The following LPP variants were observed in gnomAD, a reference collection of about 807,000 sequenced individuals.
The protein encoded by LPP is lipoma-preferred partner.
Under a neutral mutation model 60.4 loss-of-function variants are expected in LPP, and 38 were observed. The ratio of observed to expected loss-of-function variants is 0.63; its 90% CI spans 0.49 to 0.83. The LOEUF (loss-of-function observed/expected upper bound fraction) is 0.83. Ranked by LOEUF, LPP falls within the 40% of genes least tolerant of loss-of-function variation. The probability of loss-of-function intolerance (pLI) is 0.00; values close to 1 mark genes in which losing one functional copy is unlikely to be tolerated. For missense variants in LPP, 902 were observed against 783.6 expected (o/e 1.15, Z -1.80); for synonymous variants, 328 against 290.8 (o/e 1.13, Z -1.30).
At chr3:188,232,122 T>C (rs1189708456) in intron 2 of LPP, among the ~76,000 whole-genome samples, 2 of 152,200 alleles carry the variant, frequency 1.3e-5, no homozygotes, top group Non-Finnish European at 2.9e-5. Flanking sequence ...AGCTCCGCAG[T>C]TTATTTTATA....
At chr3:188,532,415 ACT>A (rs1271375772) in intron 6 of LPP, among the ~76,000 whole-genome samples, 28 of 140,892 alleles carry the variant, frequency 2.0e-4, no homozygotes, top group African/African-American at 7.2e-4. Flanking sequence ...ACAGAGCAAA[ACT>A]CTGTCTCAAT....
chr3:188,433,881 A>G, intron 4 of LPP, among the ~76,000 whole-genome samples: 1 of 151,620 alleles, frequency 6.6e-6, no homozygotes, highest in African/African-American at 2.4e-5. Context: ...TATTTCAGAA[A>G]GAGAGAAAGA....
intron 3 of LPP, among the ~76,000 whole-genome samples, chr3:188,397,039 C>G (rs535020078): frequency 6.6e-6 from 1 of 152,208 alleles, no homozygotes; most frequent in Non-Finnish European, 1.5e-5. Flanking sequence ...GGCCATTTAT[C>G]TTCTGTGCTA....
intron 7 of LPP, among the ~76,000 whole-genome samples, chr3:188,669,955 G>A (rs987390684): frequency 6.6e-5 from 10 of 152,140 alleles, no homozygotes; most frequent in South Asian, 2.1e-4. Context: ...CCTTTGTAGC[G>A]ACATGGATGA....
intron 9 of LPP, among the ~76,000 whole-genome samples, chr3:188,781,367 T>C (rs1377238225): frequency 1.3e-5 from 2 of 152,192 alleles, no homozygotes; most frequent in African/African-American, 2.4e-5. Context: ...AAATGACTTA[T>C]AGTGGTCTTT....
chr3:188,254,022 T>A (rs1375251410), intron 2 of LPP, among the ~76,000 whole-genome samples: 1 of 152,154 alleles, frequency 6.6e-6, no homozygotes, highest in Non-Finnish European at 1.5e-5. Flanking sequence ...CCTGAGTCAG[T>A]GACTGTGTCT....
rs1352565410 is a variant in LPP at position 188,885,241 on chromosome 3, T to G, written c.*10762T>G. On this transcript the variant is annotated 3_prime_UTR_variant, in exon 12 of 12. Transcript: ENST00000617246. ...CTCATTAAATCTCCTGCATTAAATC[T>G]AAGAATCCTTTAAAATAATCACACC... 4 of 201,210 alleles carry G rather than the reference T, an allele frequency of 2.0e-5. No homozygotes were observed. The highest frequency in any genetic ancestry group is 9.2e-5 in the African/African-American group (4 of 43,504). The allele number at this position is 201,210 out of a possible 1,614,324, so 12.5% of individuals were successfully genotyped here. A position where few individuals can be genotyped will look rare whatever the true frequency, so the allele number is the denominator to read the frequency against.
rs990560498 is a variant in LPP at position 188,880,682 on chromosome 3, A to G, written c.*6203A>G. On this transcript the variant is annotated 3_prime_UTR_variant, in exon 12 of 12. Transcript: ENST00000617246. ...GTGGGCATTTATGTAACATACCCAAATAAAAACGTTATTAAACAGCCACAA... is the reference window on the plus strand; with the variant it reads ...GTGGGCATTTATGTAACATACCCAAGTAAAAACGTTATTAAACAGCCACAA... The G allele has an allele frequency of 2.7e-5, 5 of 186,196 alleles. No individual in the cohort carries two copies. The highest frequency in any genetic ancestry group is 9.4e-5 in the African/African-American group (4 of 42,702). The allele number at this position is 186,196 out of a possible 1,614,324, so 11.5% of individuals were successfully genotyped here. A position where few individuals can be genotyped will look rare whatever the true frequency, so the allele number is the denominator to read the frequency against.
rs188915868 is a variant in LPP at position 188,277,739 on chromosome 3, G to A, written c.-67+52212G>A. 1.3e-4 allele frequency among the ~76,000 whole-genome samples: 20 copies of A among 152,250 alleles called. No homozygotes were observed. In the East Asian group the frequency reaches 3.3e-3, roughly 25 times the overall value. ...CTTGTTATGGGATAAGGTTCTTGGAGCTACATTTAACACTCAGTCCTAGAC... is the reference window on the plus strand; with the variant it reads ...CTTGTTATGGGATAAGGTTCTTGGAACTACATTTAACACTCAGTCCTAGAC... On this transcript the variant is annotated intron_variant, in intron 2 of 11. Transcript: ENST00000617246.
intron 10 of LPP, 123 bp from the exon 11 acceptor site, chr3:188,872,520 C>T (rs1768377909): frequency 2.9e-6 from 3 of 1,040,716 alleles, no homozygotes; most frequent in Non-Finnish European, 4.4e-6. Context: ...AGTCTAACTC[C>T]CTCACCTTAC....
intron 6 of LPP, among the ~76,000 whole-genome samples, chr3:188,574,345 A>T (rs1041243059): frequency 6.6e-6 from 1 of 152,170 alleles, no homozygotes; most frequent in Non-Finnish European, 1.5e-5. Flanking sequence ...TCACTGCCTT[A>T]TTTATTGCTC....
intron 9 of LPP, among the ~76,000 whole-genome samples, chr3:188,762,022 G>T (rs574273262): frequency 1.3e-5 from 2 of 151,636 alleles, no homozygotes; most frequent in Non-Finnish European, 2.9e-5. Flanking sequence ...TTTTTTTATA[G>T]CTCCTGTCTA....
chr3:188,386,135 A>G (rs891650157), intron 3 of LPP, among the ~76,000 whole-genome samples: 2 of 152,120 alleles, frequency 1.3e-5, no homozygotes, highest in African/African-American at 4.8e-5. Context: ...GAGAAAACCC[A>G]AGGAATTAGG....
At chr3:188,580,774 C>G (rs9878956) in intron 6 of LPP, among the ~76,000 whole-genome samples, 103,427 of 151,952 alleles carry the variant, frequency 0.68, 35,651 homozygotes, top group East Asian at 0.86. Context: ...TATATTAAGA[C>G]ATTAATTGGG....
intron 7 of LPP, among the ~76,000 whole-genome samples, chr3:188,699,921 AC>A (rs1864042743): frequency 6.6e-6 from 1 of 152,218 alleles, no homozygotes; most frequent in Non-Finnish European, 1.5e-5. Context: ...CAAACTGCAG[AC>A]TTGACACAGC....
intron 2 of LPP, among the ~76,000 whole-genome samples, chr3:188,279,259 C>A (rs909111165): frequency 6.6e-6 from 1 of 152,238 alleles, no homozygotes; most frequent in African/African-American, 2.4e-5. Flanking sequence ...GACTCTGCTG[C>A]TGACCAGCTT....
At position 188,406,293 on chromosome 3, in the gene LPP, A is replaced by G. The variant is rs772126577; in HGVS notation, c.173A>G (p.Tyr58Cys). Residue 58 changes from tyrosine (Y) to cysteine (C), a missense_variant, in exon 4 of 12, where the codon TAC (tyrosine) becomes TGC (cysteine). By Grantham distance (194) the Tyr-to-Cys change is radical. Coordinates refer to ENST00000617246, the MANE Select transcript of LPP (RefSeq NM_001375462.1). ...GCTCCAAAACCTAAGTACAACCCAT[A>G]CAAACAACCTGGAGGTGAGGGTAAG... ...VVAPKPKYNP[Y>C]KQPGGEGDFL... is the part of the protein sequence containing the mutation. 2 of 1,614,028 alleles carry G rather than the reference A, an allele frequency of 1.2e-6. No homozygotes were observed. The highest frequency in any genetic ancestry group is 3.3e-5 in the Admixed American group (2 of 60,000).
rs569894035 is a variant in LPP at position 188,644,775 on chromosome 3, C to T, written c.1113+34931C>T. On this transcript the variant is annotated intron_variant, in intron 7 of 11. Coordinates refer to ENST00000617246, the MANE Select transcript of LPP (RefSeq NM_001375462.1). ...CAACTACTACATAGATTTATTAACT[C>T]AACAAAAGGGTGACCAGTTCTTCCA... Among the ~76,000 whole-genome samples, 3 of 152,262 alleles carry T rather than the reference C, an allele frequency of 2.0e-5. No individual in the cohort carries two copies. In the South Asian group the frequency reaches 6.2e-4, roughly 32 times the overall value.
intron 4 of LPP, among the ~76,000 whole-genome samples, chr3:188,426,263 T>C (rs897316019): frequency 3.3e-5 from 5 of 152,228 alleles, no homozygotes; most frequent in African/African-American, 1.2e-4. Context: ...TGTTCGGTTT[T>C]GAGTGAGTTT....
Sources: allele counts gnomAD v4.1 joint callset (sites outside exome capture counted in the v4.1 genomes callset), GRCh38; gene constraint gnomAD v4.1.1; transcripts MANE v1.5; gene names NCBI Gene and HGNC (gene_info 2026-07-23, HGNC 2026-07-21).